GFRAL: variants seen among roughly 807,000 people sequenced by gnomAD.
The protein encoded by GFRAL is GDNF family receptor alpha like.
GFRAL carries 36 observed loss-of-function variants against 45.4 expected under a neutral mutation model. The observed-to-expected ratio is 0.79, with a 90% CI of 0.61 to 1.05. The LOEUF (loss-of-function observed/expected upper bound fraction) is 1.05. Among genes scored for constraint, GFRAL ranks in the 50% least tolerant of loss-of-function variants. The pLI is 0.00. For synonymous variants in GFRAL, 166 were observed against 154.1 expected (o/e 1.08, Z -0.57); for missense variants, 507 against 467.5 (o/e 1.08, Z -0.78).
chr6:55,340,360 A>G (rs1225747583), intron 3 of GFRAL, among the ~76,000 whole-genome samples: 1 of 152,214 alleles, frequency 6.6e-6, no homozygotes, highest in Non-Finnish European at 1.5e-5. Flanking sequence ...AAAATATGCT[A>G]AAGCACCCAG....
intron 3 of GFRAL, among the ~76,000 whole-genome samples, chr6:55,345,588 A>C (rs1229001760): frequency 4.6e-5 from 7 of 152,156 alleles, no homozygotes; most frequent in African/African-American, 1.4e-4. Context: ...AACCATAAAA[A>C]CCCTAGAAGA....
At chr6:55,394,934 G>A (rs1192130611) in intron 6 of GFRAL, among the ~76,000 whole-genome samples, 1 of 151,914 alleles carries the variant, frequency 6.6e-6, no homozygotes, top group East Asian at 1.9e-4. Context: ...AAAGAAAAAT[G>A]AGAAAAGGAG....
chr6:55,340,654 T>A (rs1457375536), intron 3 of GFRAL, among the ~76,000 whole-genome samples: 2 of 152,098 alleles, frequency 1.3e-5, no homozygotes, highest in African/African-American at 2.4e-5. Context: ...TTCATCTCAC[T>A]GGGGCTTGTC....
intron 3 of GFRAL, among the ~76,000 whole-genome samples, chr6:55,343,440 T>A (rs1021875669): frequency 3.3e-5 from 5 of 151,998 alleles, no homozygotes. Context: ...GGGTACATAA[T>A]TAAATGAAGG....
chr6:55,337,112 T>C (rs905909527), intron 3 of GFRAL, among the ~76,000 whole-genome samples: 1 of 152,148 alleles, frequency 6.6e-6, no homozygotes, highest in African/African-American at 2.4e-5. Flanking sequence ...ATTCCTTCTA[T>C]GTTAATGTAT....
intron 6 of GFRAL, among the ~76,000 whole-genome samples, chr6:55,392,853 C>T (rs904393311): frequency 1.3e-5 from 2 of 152,176 alleles, no homozygotes; most frequent in East Asian, 3.9e-4. Context: ...AACAAACCTA[C>T]ACATGTACCC....
chr6:55,351,493 C>T lies in GFRAL; in HGVS notation c.611C>T (p.Ala204Val). Reference protein sequence around the residue: ...SDIPCQQSKEALHSKTCAVNM... With the variant: ...SDIPCQQSKEVLHSKTCAVNM... ...ATACCTTGTCAGCAGTCCAAAGAAG[C>T]TCTTCACAGCAAGACATGTGCAGTG... The change falls in exon 5 of 9, where the codon GCT becomes GTT. Residue 204 changes from alanine (A) to valine (V), a missense_variant. Transcript: ENST00000340465. The T allele has an allele frequency of 1.9e-6, 3 of 1,613,556 alleles. No individual in the cohort carries two copies. Among genetic ancestry groups the T allele is most frequent in the Non-Finnish European group, 2.5e-6 (3 of 1,179,702 alleles).
At chr6:55,332,990 CTA>C (rs1306227424) in intron 2 of GFRAL, among the ~76,000 whole-genome samples, 1 of 151,880 alleles carries the variant, frequency 6.6e-6, no homozygotes, top group Non-Finnish European at 1.5e-5. Flanking sequence ...TAAAAATAAT[CTA>C]TTTATTTTGA....
chr6:55,343,769 A>G (rs1768002214), intron 3 of GFRAL, among the ~76,000 whole-genome samples: 1 of 152,198 alleles, frequency 6.6e-6, no homozygotes, highest in Non-Finnish European at 1.5e-5. Context: ...AACAAAATTG[A>G]CAGACTGCTA....
intron 3 of GFRAL, among the ~76,000 whole-genome samples, chr6:55,337,387 CT>C (rs1235503297): frequency 1.3e-5 from 2 of 151,838 alleles, no homozygotes; most frequent in Non-Finnish European, 2.9e-5. Flanking sequence ...CTTATAATGT[CT>C]TTGGTTTGGT....
intron 6 of GFRAL, among the ~76,000 whole-genome samples, chr6:55,381,606 CA>C (rs1177969191): frequency 6.6e-6 from 1 of 151,908 alleles, no homozygotes; most frequent in Non-Finnish European, 1.5e-5. Flanking sequence ...CATAGTCTTA[CA>C]TTTTTTTCCT....
At chr6:55,395,869 C>T (rs561909644) in intron 6 of GFRAL, among the ~76,000 whole-genome samples, 1 of 151,830 alleles carries the variant, frequency 6.6e-6, no homozygotes, top group Admixed American at 6.6e-5. Flanking sequence ...GTTCCTAATG[C>T]AAGATTGAAA....
intron 6 of GFRAL, 111 bp downstream of exon 6, chr6:55,359,249 T>C (rs747092158): frequency 2.3e-6 from 2 of 851,712 alleles, no homozygotes; most frequent in Admixed American, 3.0e-5. Flanking sequence ...AGCACAGACA[T>C]TTTTGTGTTT....
chr6:55,374,636 C>T (rs1768499840), intron 6 of GFRAL, among the ~76,000 whole-genome samples: 1 of 151,936 alleles, frequency 6.6e-6, no homozygotes, highest in East Asian at 1.9e-4. Context: ...TAGTTTAGAT[C>T]TCATTTGTCA....
At chr6:55,341,899 G>A (rs1163665729) in intron 3 of GFRAL, among the ~76,000 whole-genome samples, 11 of 152,068 alleles carry the variant, frequency 7.2e-5, no homozygotes, top group Non-Finnish European at 1.2e-4. Flanking sequence ...TAGCCGATTC[G>A]ATCAACTGGA....
chr6:55,400,579 T>C (rs1302326984), intron 8 of GFRAL, among the ~76,000 whole-genome samples: 1 of 152,170 alleles, frequency 6.6e-6, no homozygotes, highest in Admixed American at 6.5e-5. Flanking sequence ...AAACAAAATG[T>C]ATCCACTGTT....
chr6:55,362,796 C>G (rs1562056697), intron 6 of GFRAL, among the ~76,000 whole-genome samples: 1 of 151,556 alleles, frequency 6.6e-6, no homozygotes, highest in Non-Finnish European at 1.5e-5. Flanking sequence ...TATGAAATAC[C>G]ACCATTCTGA....
At chr6:55,385,648 G>A (rs75124411) in intron 6 of GFRAL, among the ~76,000 whole-genome samples, 2,233 of 152,050 alleles carry the variant, frequency 0.015, 56 homozygotes, top group African/African-American at 0.052. Flanking sequence ...TACTGCTCTC[G>A]TCTAATGATA....
At chr6:55,344,086 C>T (rs187593869) in intron 3 of GFRAL, among the ~76,000 whole-genome samples, 1 of 152,248 alleles carries the variant, frequency 6.6e-6, no homozygotes, top group East Asian at 1.9e-4. Context: ...CAGATGGATT[C>T]ACAGTTGAAT....
Sources: gnomAD v4.1 joint callset for allele counts (sites outside exome capture counted in the v4.1 genomes callset) on GRCh38, gnomAD v4.1.1 for gene constraint, MANE v1.5 for transcripts, NCBI Gene and HGNC (gene_info 2026-07-23, HGNC 2026-07-21) for gene names.